ANKIB1: variants seen among roughly 807,000 people sequenced by gnomAD.
The protein encoded by ANKIB1 is ankyrin repeat and IBR domain containing 1.
In ANKIB1, 43 loss-of-function variants were observed where a neutral mutation model predicts 122.1. The observed-to-expected ratio is 0.35, with a 90% confidence interval of 0.28 to 0.45. The LOEUF is 0.45. ANKIB1 is among the 20% of genes least tolerant of loss of function. The pLI, the probability that ANKIB1 is intolerant of heterozygous loss-of-function variation, is 1.00. For missense variants in ANKIB1, 992 were observed against 1,329.5 expected (o/e 0.75, Z 3.95); for synonymous variants, 390 against 442.0 (o/e 0.88, Z 1.48).
At chr7:92,344,501 G>A (rs368747007) in intron 6 of ANKIB1, among the ~76,000 whole-genome samples, 66 of 152,102 alleles carry the variant, frequency 4.3e-4, no homozygotes, top group African/African-American at 1.2e-3. Context: ...CACCGCGCCC[G>A]GCCTAATACT....
At chr7:92,352,719 A>G (rs540879091) in intron 9 of ANKIB1, 77 bp downstream of exon 9, 3 of 1,425,090 alleles carry the variant, frequency 2.1e-6, no homozygotes, top group Non-Finnish European at 2.8e-6. Flanking sequence ...ACCTTGAGTC[A>G]GGCCTTTAAA....
At chr7:92,302,212 G>A (rs1802471774) in intron 2 of ANKIB1, among the ~76,000 whole-genome samples, 1 of 152,130 alleles carries the variant, frequency 6.6e-6, no homozygotes, top group African/African-American at 2.4e-5. Context: ...GGGATTACAG[G>A]CGTGAGACAC....
In ANKIB1 at chr7:92,319,618, A is replaced by G. The variant is rs976680803; in HGVS notation, c.669+106A>G. On this transcript the variant is annotated intron_variant, in intron 4 of 19. Transcript: ENST00000265742. ...ACTCAGTTTGTGTGTTCTTCTTTAC[A>G]GTATTCTAAATATCCTGTCATCTTC... 24 of 1,122,146 alleles carry G rather than the reference A, an allele frequency of 2.1e-5. No homozygotes were observed. The South Asian group carries it at 3.1e-4, about 14-fold the overall frequency. The allele number at this position is 1,122,146 out of a possible 1,614,324, so 69.5% of individuals were successfully genotyped here. A position where few individuals can be genotyped will look rare whatever the true frequency, so the allele number is the denominator to read the frequency against.
chr7:92,284,354 G>A (rs545563709), intron 1 of ANKIB1, among the ~76,000 whole-genome samples: 4 of 152,240 alleles, frequency 2.6e-5, no homozygotes, highest in South Asian at 2.1e-4. Flanking sequence ...CCTGATTGCC[G>A]TTACATTTCT....
chr7:92,320,688 A>C (rs1802888656), intron 4 of ANKIB1, among the ~76,000 whole-genome samples: 1 of 152,078 alleles, frequency 6.6e-6, no homozygotes, highest in African/African-American at 2.4e-5. Context: ...CTACCTCTCT[A>C]AGCCCTCACC....
intron 1 of ANKIB1, among the ~76,000 whole-genome samples, chr7:92,278,650 A>G (rs747480358): frequency 4.6e-5 from 7 of 152,222 alleles, no homozygotes; most frequent in Non-Finnish European, 8.8e-5. Context: ...CAATATATTT[A>G]TATAATTTGA....
chr7:92,280,313 T>C (rs1217504934), intron 1 of ANKIB1, among the ~76,000 whole-genome samples: 1 of 152,212 alleles, frequency 6.6e-6, no homozygotes, highest in Non-Finnish European at 1.5e-5. Context: ...TTATTTAAAC[T>C]CCTAGCAGTA....
chr7:92,392,220 G>A (rs1804800975), intron 16 of ANKIB1, 21 bp from the exon 17 acceptor site: 5 of 1,602,412 alleles, frequency 3.1e-6, no homozygotes, highest in Non-Finnish European at 4.3e-6. Flanking sequence ...AAATCAAATG[G>A]TATGTCTAAT....
At chr7:92,248,736 A>G (rs1801252458) in intron 1 of ANKIB1, among the ~76,000 whole-genome samples, 1 of 152,164 alleles carries the variant, frequency 6.6e-6, no homozygotes, top group African/African-American at 2.4e-5. Context: ...GAGTTTTTAT[A>G]CATTGATCTA....
At chr7:92,254,365 T>C (rs1417418976) in intron 1 of ANKIB1, among the ~76,000 whole-genome samples, 2 of 152,244 alleles carry the variant, frequency 1.3e-5, no homozygotes, top group African/African-American at 4.8e-5. Context: ...TTGTAATTAA[T>C]ATCTTTGTGC....
chr7:92,345,488 T>C lies in ANKIB1; in HGVS notation c.1085+422T>C, dbSNP rs150791803. ...GAATATAGATGTTTAAAATTTCTTT[T>C]TAGTGAATGCAGAGTTAAATGTTTC... On this transcript the variant is annotated intron_variant, in intron 7 of 19. Transcript: ENST00000265742. Among the ~76,000 whole-genome samples the C allele has an allele frequency of 5.3e-5, 8 of 152,364 alleles. No individual in the cohort carries two copies. In the East Asian group the frequency reaches 1.5e-3, roughly 29 times the overall value.
At chr7:92,337,444 T>G (rs961175770) in intron 5 of ANKIB1, among the ~76,000 whole-genome samples, 1 of 152,218 alleles carries the variant, frequency 6.6e-6, no homozygotes, top group African/African-American at 2.4e-5. Flanking sequence ...CCAGATCTTT[T>G]TTAAAAATGA....
chr7:92,250,374 C>G (rs904255470), intron 1 of ANKIB1, among the ~76,000 whole-genome samples: 1 of 152,182 alleles, frequency 6.6e-6, no homozygotes, highest in Admixed American at 6.5e-5. Flanking sequence ...GCCTGGGCAA[C>G]AAGAGCAAAA....
intron 1 of ANKIB1, among the ~76,000 whole-genome samples, chr7:92,262,352 A>G (rs772676052): frequency 6.6e-6 from 1 of 152,220 alleles, no homozygotes; most frequent in African/African-American, 2.4e-5. Context: ...GAAAACAGAT[A>G]CTGCTACATG....
chr7:92,336,786 G>A (rs1272282299), intron 5 of ANKIB1, among the ~76,000 whole-genome samples: 1 of 152,056 alleles, frequency 6.6e-6, no homozygotes, highest in Non-Finnish European at 1.5e-5. Flanking sequence ...AACTCAAACA[G>A]TGCTTTTTCA....
intron 3 of ANKIB1, among the ~76,000 whole-genome samples, chr7:92,318,978 A>G (rs942551507): frequency 1.3e-5 from 2 of 152,220 alleles, no homozygotes; most frequent in African/African-American, 2.4e-5. Flanking sequence ...TATAGAAATT[A>G]TAAGAAATTT....
chr7:92,397,856 T>C lies in ANKIB1; in HGVS notation c.2529T>C (p.Leu843=), dbSNP rs771158499. The C allele has an allele frequency of 6.2e-7, 1 of 1,607,504 alleles. No homozygotes were observed. The highest frequency in any genetic ancestry group is 1.1e-5 in the South Asian group (1 of 90,158). The change falls in exon 19 of 20, where the codon CTT becomes CTC. Residue 843 remains leucine (L), a synonymous_variant. Transcript: ENST00000265742. ...PASRSENQDS[L]QALSSLDEDD... ...GTCGCTCTGAAAACCAGGACTCTCT[T>C]CAGGTAGCCTTTCTGAACAGCCTCA...
In ANKIB1 at chr7:92,295,058, A is replaced by G. The variant is rs371282235; in HGVS notation, c.80A>G (p.Asn27Ser). The G allele has an allele frequency of 3.7e-6, 6 of 1,601,220 alleles. No individual in the cohort carries two copies. The highest frequency in any genetic ancestry group is 2.7e-5 in the African/African-American group (2 of 74,848). Reference protein sequence around the residue: ...ENLACQIYENNPQLKESLDPN... With the variant: ...ENLACQIYENSPQLKESLDPN... Reference sequence around the variant, plus strand: ...CTGGCCTGCCAAATATATGAAAACAATCCTCAGCTAAAAGAATCTCTTGAT... The same window carrying G: ...CTGGCCTGCCAAATATATGAAAACAGTCCTCAGCTAAAAGAATCTCTTGAT... The change falls in exon 2 of 20, where the codon AAT (asparagine) becomes AGT (serine). Residue 27 changes from asparagine (N) to serine (S), a missense_variant. Physicochemically the swap from Asn to Ser is conservative, Grantham distance 46. Coordinates refer to ENST00000265742, the MANE Select transcript of ANKIB1 (RefSeq NM_019004.2).
chr7:92,248,688 G>A (rs1801250829), intron 1 of ANKIB1, among the ~76,000 whole-genome samples: 1 of 151,994 alleles, frequency 6.6e-6, no homozygotes, highest in African/African-American at 2.4e-5. Context: ...AAGGATTTGG[G>A]AGTGGACTAA....
Sources: allele counts gnomAD v4.1 joint callset (sites outside exome capture counted in the v4.1 genomes callset), GRCh38; gene constraint gnomAD v4.1.1; transcripts MANE v1.5; gene names NCBI Gene and HGNC (gene_info 2026-07-23, HGNC 2026-07-21).